KANSL1: variants seen among roughly 807,000 people sequenced by gnomAD.
KANSL1 encodes MLL1/MLL complex subunit KANSL1.
KANSL1 carries 22 observed loss-of-function variants against 103.6 expected under a neutral mutation model. The observed-to-expected ratio is 0.21, with a 90% CI of 0.15 to 0.30. KANSL1 has a LOEUF of 0.30. Ranked by LOEUF, KANSL1 falls within the 10% of genes least tolerant of loss-of-function variation. The probability of loss-of-function intolerance (pLI) is 1.00; values close to 1 mark genes in which losing one functional copy is unlikely to be tolerated. For missense variants in KANSL1, 1,337 were observed against 1,399.8 expected, an observed-to-expected ratio of 0.96 and a Z score of 0.72; for synonymous variants, 600 against 527.6, an observed-to-expected ratio of 1.14 and a Z score of -1.88.
At chr17:46,100,310 G>A (rs989617579) in intron 2 of KANSL1, among the ~76,000 whole-genome samples, 18 of 152,028 alleles carry the variant, frequency 1.2e-4, no homozygotes, top group African/African-American at 2.9e-4. Flanking sequence ...AGTCGCGCAC[G>A]CCTGTAATCC....
intron 2 of KANSL1, among the ~76,000 whole-genome samples, chr17:46,111,259 G>A (rs187156754): frequency 6.6e-6 from 1 of 152,308 alleles, no homozygotes; most frequent in East Asian, 1.9e-4. Flanking sequence ...CGTCCAGGCT[G>A]GAGTGCGATG....
intron 4 of KANSL1, among the ~76,000 whole-genome samples, chr17:46,074,116 T>C (rs1403073923): frequency 6.6e-6 from 1 of 152,184 alleles, no homozygotes; most frequent in Non-Finnish European, 1.5e-5. Flanking sequence ...CAGATTTTAG[T>C]TCCTAATAAA....
chr17:46,178,120 T>C (rs985049640), intron 1 of KANSL1, among the ~76,000 whole-genome samples: 2 of 152,122 alleles, frequency 1.3e-5, no homozygotes, highest in African/African-American at 4.8e-5. Context: ...AAAACAATGA[T>C]TCCTATCCCA....
Position 46,094,345 on chromosome 17 carries a change from C to T in KANSL1, c.1431+215G>A, listed in dbSNP as rs569007700. On this transcript the variant is annotated intron_variant, in intron 3 of 14. Transcript: ENST00000432791. The stretch of plus-strand genomic sequence containing the variant: ...CTCCTGAGCTCAAATGATCCTCCTG[C>T]CTTGGCCTCCCAAAGTGCTGGGATC... 11 of 573,998 alleles carry T rather than the reference C, an allele frequency of 1.9e-5. No homozygotes were observed. In the Admixed American group the frequency reaches 3.4e-4, roughly 18 times the overall value. The allele number at this position is 573,998 out of a possible 1,614,324, so 35.6% of individuals were successfully genotyped here.
At chr17:46,034,368 C>T in intron 10 of KANSL1, 83 bp from the exon 11 acceptor site, 1 of 1,500,764 alleles carries the variant, frequency 6.7e-7, no homozygotes, top group Non-Finnish European at 9.2e-7. Flanking sequence ...AGCAGGATCA[C>T]CAATAACCAA....
intron 4 of KANSL1, among the ~76,000 whole-genome samples, chr17:46,069,168 T>C (rs1400844873): frequency 1.3e-5 from 2 of 152,096 alleles, no homozygotes; most frequent in African/African-American, 4.8e-5. Context: ...TCAACTGATC[T>C]GCCCTCCTCG....
At chr17:46,040,109 C>G (rs1430895603) in intron 7 of KANSL1, 3 of 440,936 alleles carry the variant, frequency 6.8e-6, no homozygotes, top group Admixed American at 4.0e-5. Context: ...GGAAACAAAA[C>G]AAGACACCTT....
intron 2 of KANSL1, among the ~76,000 whole-genome samples, chr17:46,143,543 G>A (rs533562339): frequency 3.2e-4 from 49 of 151,920 alleles, no homozygotes; most frequent in African/African-American, 1.0e-3. Context: ...AGTGGCTCAC[G>A]CCTGTAATCC....
intron 2 of KANSL1, among the ~76,000 whole-genome samples, chr17:46,101,790 T>G (rs1280383458): frequency 7.0e-6 from 1 of 143,290 alleles, no homozygotes; most frequent in Non-Finnish European, 1.6e-5. Flanking sequence ...GAAATAACAA[T>G]TTAGTCATTA....
intron 1 of KANSL1, among the ~76,000 whole-genome samples, chr17:46,217,129 AAAG>A (rs1265178523): frequency 6.7e-6 from 1 of 148,916 alleles, no homozygotes; most frequent in Admixed American, 6.8e-5. Flanking sequence ...AAAAAAAAAA[AAAG>A]AGATATGTAG....
rs2046251321 is a variant in KANSL1, at chr17:46,170,919, C to A, written c.1225G>T (p.Gly409Trp). Residue 409 changes from glycine to tryptophan, a missense_variant, in exon 2 of 15, where the codon GGG (glycine) becomes TGG (tryptophan). Coordinates refer to ENST00000432791, the MANE Select transcript of KANSL1 (RefSeq NM_015443.4). ...TCTTCCTCTTCAATATCAGACTCCCCTCCTGAACTACTGTCAGTGACATCT... is the reference window on the plus strand; with the variant it reads ...TCTTCCTCTTCAATATCAGACTCCCATCCTGAACTACTGTCAGTGACATCT... ...DSDVTDSSSGGESDIEEEELT... is the reference protein window; with the variant it reads ...DSDVTDSSSGWESDIEEEELT... 13 of 1,614,124 alleles carry A rather than the reference C, an allele frequency of 8.1e-6. No homozygotes were observed. The highest frequency in any genetic ancestry group is 1.1e-5 in the Non-Finnish European group (13 of 1,180,024).
At chr17:46,142,150 C>T (rs1014723479) in intron 2 of KANSL1, among the ~76,000 whole-genome samples, 8 of 152,154 alleles carry the variant, frequency 5.3e-5, no homozygotes, top group Non-Finnish European at 1.2e-4. Flanking sequence ...TAAAATTCTC[C>T]TATTAGTGTC....
chr17:46,164,252 AT>A (rs1439880651), intron 2 of KANSL1, among the ~76,000 whole-genome samples: 3 of 152,282 alleles, frequency 2.0e-5, no homozygotes, highest in African/African-American at 4.8e-5. Context: ...TAGCAACTAT[AT>A]CTACGGTAAA....
chr17:46,045,449 A>G (rs993202509), intron 7 of KANSL1: 2 of 151,772 alleles, frequency 1.3e-5, no homozygotes, highest in Non-Finnish European at 2.9e-5. Context: ...AAATATATAT[A>G]TATCTCCACA....
intron 2 of KANSL1, among the ~76,000 whole-genome samples, chr17:46,096,793 AT>A (rs563183372): frequency 1.2e-3 from 183 of 151,134 alleles, no homozygotes; most frequent in African/African-American, 4.3e-3. Context: ...TAATTTTTGT[AT>A]TTTTAGTAGA....
chr17:46,038,252 T>C (rs2077207302), intron 10 of KANSL1: 1 of 408,872 alleles, frequency 2.4e-6, no homozygotes, highest in African/African-American at 2.0e-5. Context: ...AGATCTTGAA[T>C]AGTCACAGAT....
At chr17:46,075,824 T>C (rs1259685215) in intron 4 of KANSL1, among the ~76,000 whole-genome samples, 1 of 152,206 alleles carries the variant, frequency 6.6e-6, no homozygotes, top group African/African-American at 2.4e-5. Flanking sequence ...AGTTACCTGA[T>C]AATGCCAGGC....
intron 4 of KANSL1, among the ~76,000 whole-genome samples, chr17:46,071,156 G>T (rs1052193862): frequency 2.0e-5 from 3 of 152,082 alleles, no homozygotes; most frequent in Non-Finnish European, 2.9e-5. Context: ...GAATCTTCCT[G>T]GAGTAATTCA....
intron 1 of KANSL1, among the ~76,000 whole-genome samples, chr17:46,207,845 T>A (rs374374353): frequency 6.6e-6 from 1 of 152,084 alleles, no homozygotes; most frequent in African/African-American, 2.4e-5. Flanking sequence ...GTACAGTGGC[T>A]CATGCCTTTA....
Sources: gnomAD v4.1 joint callset for allele counts (sites outside exome capture counted in the v4.1 genomes callset) on GRCh38, gnomAD v4.1.1 for gene constraint, MANE v1.5 for transcripts, NCBI Gene and HGNC (gene_info 2026-07-23, HGNC 2026-07-21) for gene names.